Variants in WDR59 observed in about 807,000 individuals in gnomAD.
The protein encoded by WDR59 is GATOR2 complex protein WDR59.
WDR59 carries 100 observed loss-of-function variants against 131.2 expected under a neutral mutation model. The ratio of observed to expected loss-of-function variants is 0.76; its 90% CI spans 0.65 to 0.90. The LOEUF is 0.90. WDR59 is among the 40% of genes least tolerant of loss of function. The pLI is 0.00. For missense variants in WDR59, 1,203 were observed against 1,262.2 expected (o/e 0.95, Z 0.71); for synonymous variants, 601 against 466.2 (o/e 1.29, Z -3.72).
At position 74,896,938 on chromosome 16, in the gene WDR59, G is replaced by A. The variant is rs571706913; in HGVS notation, c.1867-3126C>T. 1.3e-5 allele frequency among the ~76,000 whole-genome samples: 2 copies of A among 152,266 alleles called. 1 individual carries two copies. Among genetic ancestry groups the A allele is most frequent in the Admixed American group, 1.3e-4 (2 of 15,290 alleles). ...GGCTTACTCTAGGTCACAGCCATCA[G>A]CGCTGAGATTTGAACACAGGCCTGT... On this transcript the variant is annotated intron_variant, in intron 18 of 25. Transcript: ENST00000262144.
intron 18 of WDR59, among the ~76,000 whole-genome samples, chr16:74,899,924 C>G (rs1372860359): frequency 1.3e-5 from 2 of 152,208 alleles, no homozygotes; most frequent in African/African-American, 4.8e-5. Context: ...AACCTAAGCA[C>G]AGCGGAATTC....
At chr16:74,884,279 AAC>A (rs768056120) in intron 25 of WDR59, among the ~76,000 whole-genome samples, 2 of 152,132 alleles carry the variant, frequency 1.3e-5, no homozygotes, top group Non-Finnish European at 2.9e-5. Context: ...ACCCTCTTAA[AAC>A]ACAACCCAAA....
At chr16:74,881,363 A>T (rs894078723) in intron 25 of WDR59, among the ~76,000 whole-genome samples, 2 of 145,694 alleles carry the variant, frequency 1.4e-5, no homozygotes, top group Admixed American at 6.9e-5. Context: ...TTTTTCTTTA[A>T]TTTTTTTTTT....
Position 74,909,507 on chromosome 16 carries a change from C to T in WDR59, c.1636G>A (p.Gly546Arg), listed in dbSNP as rs780289269. 5.9e-5 allele frequency: 93 copies of T among 1,573,120 alleles called. No individual in the cohort carries two copies. Among genetic ancestry groups the T allele is most frequent in the East Asian group, 5.2e-4 (23 of 44,160 alleles). Residue 546 changes from glycine to arginine, a missense_variant, in exon 16 of 26, where the codon GGA (glycine) becomes AGA (arginine). By Grantham distance (125) the Gly-to-Arg change is moderately radical. Coordinates refer to ENST00000262144, the MANE Select transcript of WDR59 (RefSeq NM_030581.4). ...FPRTSGARFC[G>R]AGYLVYFTRP... is the part of the protein sequence containing the mutation. ...AAGAACCAAAGAGACCCACCTGCTC[C>T]GCAGAACCTGGCCCCAGAAGTCCTA...
At chr16:74,938,803 G>A (rs2032000846) in intron 7 of WDR59, among the ~76,000 whole-genome samples, 1 of 151,908 alleles carries the variant, frequency 6.6e-6, no homozygotes, top group Non-Finnish European at 1.5e-5. Context: ...CTCCCAAAGT[G>A]TCTGGATTAC....
chr16:74,943,868 T>C (rs922446238), intron 6 of WDR59, among the ~76,000 whole-genome samples: 1 of 152,220 alleles, frequency 6.6e-6, no homozygotes, highest in Admixed American at 6.5e-5. Context: ...ATATGCTGTG[T>C]TGGTTTTGAT....
chr16:74,951,801 A>T (rs1056017397), intron 3 of WDR59, among the ~76,000 whole-genome samples: 2 of 152,190 alleles, frequency 1.3e-5, no homozygotes, highest in Non-Finnish European at 2.9e-5. Flanking sequence ...GAACAGTCAC[A>T]GCTGAACTGA....
chr16:74,899,706 C>A (rs1364644131), intron 18 of WDR59: 1 of 1,289,108 alleles, frequency 7.8e-7, no homozygotes, highest in Non-Finnish European at 1.0e-6. Context: ...ACCGGGAAGT[C>A]GTTAATTGCT....
Position 74,915,991 on chromosome 16 carries a change from A to G in WDR59, c.1103T>C (p.Leu368Pro). 1 of 1,614,180 alleles carries G rather than the reference A, an allele frequency of 6.2e-7. No individual in the cohort carries two copies. Among genetic ancestry groups the G allele is most frequent in the Non-Finnish European group, 8.5e-7 (1 of 1,180,020 alleles). ...HTASHGEEEA[L>P]KEDPPRNLLE... is the part of the protein sequence containing the mutation. ...GAGATTTCTAGGGGGATCTTCTTTTAGGGCTAGCAGGAGAGAGAAGTTCAA... is the reference window on the plus strand; with the variant it reads ...GAGATTTCTAGGGGGATCTTCTTTTGGGGCTAGCAGGAGAGAGAAGTTCAA... Residue 368 changes from leucine to proline, a missense_variant, in exon 13 of 26, where the codon CTA (leucine) becomes CCA (proline). Coordinates refer to ENST00000262144, the MANE Select transcript of WDR59 (RefSeq NM_030581.4).
rs766233955 is a variant in WDR59, at chr16:74,874,259, C to G, written c.2875G>C (p.Val959Leu). 6.2e-7 allele frequency: 1 copy of G among 1,614,212 alleles called. No individual in the cohort carries two copies. The highest frequency in any genetic ancestry group is 1.1e-5 in the South Asian group (1 of 91,088). Residue 959 changes from valine to leucine, a missense_variant, in exon 26 of 26, where the codon GTG becomes CTG. Transcript: ENST00000262144. ...HMMEWFRTQE[V>L]CPTGCGCHCL... ...TGGCACCCACACCCGGTGGGACACA[C>G]CTCCTGGGTCCGAAACCACTCCATC... is the stretch of plus-strand genomic sequence containing the variant.
chr16:74,952,462 A>AG (rs1220230946), intron 3 of WDR59, among the ~76,000 whole-genome samples: 4 of 150,658 alleles, frequency 2.7e-5, no homozygotes, highest in South Asian at 2.1e-4. Flanking sequence ...AAAAAAAAAA[A>AG]AAAAGAAAAG....
intron 25 of WDR59, among the ~76,000 whole-genome samples, chr16:74,883,956 C>G (rs905524920): frequency 6.6e-6 from 1 of 152,200 alleles, no homozygotes; most frequent in Non-Finnish European, 1.5e-5. Flanking sequence ...ACTATCCCAA[C>G]CTAAGCCCAC....
chr16:74,981,660 A>ATTTTTTTTT (rs1181233727), intron 1 of WDR59, among the ~76,000 whole-genome samples: 2 of 80,878 alleles, frequency 2.5e-5, no homozygotes, highest in African/African-American at 1.5e-4. Flanking sequence ...ATATATATAT[A>ATTTTTTTTT]TTTTTTTTTT....
chr16:74,874,514 T>C (rs1964114039), intron 25 of WDR59, 70 bp from the exon 26 acceptor site: 1 of 1,385,638 alleles, frequency 7.2e-7, no homozygotes, highest in Non-Finnish European at 1.0e-6. Flanking sequence ...AAACTGGGGC[T>C]TGCCAGGAAG....
chr16:74,887,514 T>C (rs140773440), intron 23 of WDR59, among the ~76,000 whole-genome samples, 169 bp downstream of exon 23: 94 of 152,278 alleles, frequency 6.2e-4, no homozygotes, highest in African/African-American at 2.1e-3. Flanking sequence ...ACGTGGTCTG[T>C]TCAACATGCA....
chr16:74,960,820 CAT>C (rs1045333067), intron 2 of WDR59, among the ~76,000 whole-genome samples: 1 of 130,122 alleles, frequency 7.7e-6, no homozygotes, highest in Admixed American at 7.3e-5. Context: ...TGATCAAAGA[CAT>C]AATACAGAAA....
At position 74,956,588 on chromosome 16, in the gene WDR59, T is replaced by C. The variant is rs778941433; in HGVS notation, c.127A>G (p.Asn43Asp). 4 of 1,614,070 alleles carry C rather than the reference T, an allele frequency of 2.5e-6. No individual in the cohort carries two copies. Among genetic ancestry groups the C allele is most frequent in the African/African-American group, 1.3e-5 (1 of 75,032 alleles). ...LSGRRFLYIVNLDAPFEGHRK... is the reference protein window; with the variant it reads ...LSGRRFLYIVDLDAPFEGHRK... ...TGACCTTCGAAAGGGGCATCTAGATTGACGATGTATAAGAATCTGCGGCTA... is the reference window on the plus strand; with the variant it reads ...TGACCTTCGAAAGGGGCATCTAGATCGACGATGTATAAGAATCTGCGGCTA... Residue 43 changes from asparagine (N) to aspartate (D), a missense_variant, in exon 3 of 26, where the codon AAT (asparagine) becomes GAT (aspartate). Physicochemically the swap from Asn to Asp is conservative, Grantham distance 23 (BLOSUM62 1). Transcript: ENST00000262144.
At chr16:74,963,065 G>A (rs8043998) in intron 2 of WDR59, 13,928 of 152,152 alleles carry the variant, frequency 0.092, 701 homozygotes, top group Admixed American at 0.14. Context: ...AGACCAGCCT[G>A]GGCAACATGG....
chr16:74,916,396 T>C (rs953608264), intron 11 of WDR59, 137 bp from the exon 12 acceptor site: 64 of 1,129,396 alleles, frequency 5.7e-5, no homozygotes, highest in African/African-American at 5.3e-4. Context: ...ATAATCAAAA[T>C]AGATTTTACC....
Sources: gnomAD v4.1 joint callset for allele counts (sites outside exome capture counted in the v4.1 genomes callset) on GRCh38, gnomAD v4.1.1 for gene constraint, MANE v1.5 for transcripts, NCBI Gene and HGNC (gene_info 2026-07-23, HGNC 2026-07-21) for gene names.